PKN2: variants seen among roughly 807,000 people sequenced by gnomAD.
The protein encoded by PKN2 is protein kinase N2.
Under a neutral mutation model 119.1 loss-of-function variants are expected in PKN2, and 38 were observed. The observed-to-expected ratio is 0.32, with a 90% CI of 0.25 to 0.42. The LOEUF is 0.42. PKN2 is among the 10% of genes least tolerant of loss of function. The pLI is 1.00. For missense variants in PKN2, 850 were observed against 1,165.1 expected (o/e 0.73, Z 3.94); for synonymous variants, 390 against 384.9 (o/e 1.01, Z -0.15).
At chr1:88,742,744 C>T (rs971884966) in intron 2 of PKN2, among the ~76,000 whole-genome samples, 2 of 151,508 alleles carry the variant, frequency 1.3e-5, no homozygotes, top group Admixed American at 6.6e-5. Flanking sequence ...TCTTTAGGAG[C>T]GGTCTAAAAT....
intron 3 of PKN2, among the ~76,000 whole-genome samples, chr1:88,768,320 TGGCA>T (rs1669747337): frequency 6.6e-6 from 1 of 152,228 alleles, no homozygotes; most frequent in African/African-American, 2.4e-5. Context: ...ATCAAGGTGT[TGGCA>T]GGACTGCATT....
intron 4 of PKN2, among the ~76,000 whole-genome samples, chr1:88,770,854 G>A (rs1669865325): frequency 1.3e-5 from 2 of 150,714 alleles, no homozygotes; most frequent in Non-Finnish European, 3.0e-5. Flanking sequence ...CAAAGTGCTG[G>A]GATTACAGGC....
intron 1 of PKN2, among the ~76,000 whole-genome samples, chr1:88,698,997 C>T (rs1666654785): frequency 6.6e-6 from 1 of 152,182 alleles, no homozygotes; most frequent in African/African-American, 2.4e-5. Context: ...TCTCACTTCC[C>T]TTGCACGGAC....
chr1:88,722,877 C>T (rs1667739902), intron 1 of PKN2, among the ~76,000 whole-genome samples: 1 of 151,842 alleles, frequency 6.6e-6, no homozygotes, highest in Admixed American at 6.6e-5. Context: ...TGCCTCTGCA[C>T]TTAGAAAGCC....
In PKN2 at chr1:88,807,362, C is replaced by T. The variant is rs1671587089; in HGVS notation, c.1853C>T (p.Pro618Leu). 1 of 1,595,412 alleles carries T rather than the reference C, an allele frequency of 6.3e-7. No individual in the cohort carries two copies. The highest frequency in any genetic ancestry group is 1.3e-5 in the African/African-American group (1 of 74,408). The change falls in exon 13 of 22, where the codon CCA (proline) becomes CTA (leucine). Residue 618 changes from proline to leucine, a missense_variant. Pro to Leu is a moderately conservative substitution (Grantham distance 98). Around this residue, in one of 9 missense-constraint regions of PKN2, gnomAD observed 216 missense variants for 252.8 expected, o/e 0.85. Coordinates refer to ENST00000370521, the MANE Select transcript of PKN2 (RefSeq NM_006256.4). ...CAGAATGACAGAAATAGTATACTTC[C>T]AAAATCTCAATCTGAATACAAGCCT... ...DIQNDRNSIL[P>L]KSQSEYKPDT...
At chr1:88,791,634 A>G (rs1015236404) in intron 8 of PKN2, among the ~76,000 whole-genome samples, 7 of 152,208 alleles carry the variant, frequency 4.6e-5, no homozygotes, top group Non-Finnish European at 7.3e-5. Flanking sequence ...TAAAATTTAA[A>G]GCAGGGAGGA....
At chr1:88,780,946 C>G in intron 6 of PKN2, 1 of 316,568 alleles carries the variant, frequency 3.2e-6, no homozygotes, top group South Asian at 1.3e-4. Context: ...CCTTTCAGTT[C>G]CTTCTTCCCC....
chr1:88,768,595 T>C (rs189420033), intron 3 of PKN2, among the ~76,000 whole-genome samples: 1 of 152,352 alleles, frequency 6.6e-6, no homozygotes, highest in African/African-American at 2.4e-5. Flanking sequence ...CTTAATTCCA[T>C]TTGCTACCTT....
At chr1:88,727,368 A>G (rs1667943239) in intron 1 of PKN2, among the ~76,000 whole-genome samples, 1 of 152,060 alleles carries the variant, frequency 6.6e-6, no homozygotes, top group Non-Finnish European at 1.5e-5. Flanking sequence ...ATGGGGTCTC[A>G]CTGTATTGCC....
In PKN2 at chr1:88,804,380, A is replaced by T; in HGVS notation, c.1282-11A>T. On this transcript the variant is annotated splice_polypyrimidine_tract_variant and intron_variant, in intron 8 of 21. Transcript: ENST00000370521. ...TTCTGTTTTCTTTATTATTTTTTTT[A>T]ATTATCCTAGTCACGTGAACTGGAA... is the stretch of plus-strand genomic sequence containing the variant. 3 of 1,578,658 alleles carry T rather than the reference A, an allele frequency of 1.9e-6. No individual in the cohort carries two copies. The highest frequency in any genetic ancestry group is 1.8e-5 in the Admixed American group (1 of 56,222).
At chr1:88,713,511 A>G (rs1667325042) in intron 1 of PKN2, among the ~76,000 whole-genome samples, 2 of 151,988 alleles carry the variant, frequency 1.3e-5, no homozygotes, top group Non-Finnish European at 1.5e-5. Flanking sequence ...TTTGATTTGC[A>G]TTTCTCTGCT....
At position 88,685,767 on chromosome 1, in the gene PKN2, T is replaced by A. The variant is rs188356116; in HGVS notation, c.48+1139T>A. On this transcript the variant is annotated intron_variant, in intron 1 of 21. Transcript: ENST00000370521. ...TGTGTGTTGGACAGTTAATTTTTTT[T>A]AAAAAAAAGACTAAATCAAGAAATT... 5.8e-3 allele frequency among the ~76,000 whole-genome samples: 879 copies of A among 152,056 alleles called. 2 individuals carry two copies. Among genetic ancestry groups the A allele is most frequent in the Admixed American group, 6.7e-3 (103 of 15,278 alleles).
At chr1:88,707,489 TCA>T (rs1667048675) in intron 1 of PKN2, among the ~76,000 whole-genome samples, 1 of 152,128 alleles carries the variant, frequency 6.6e-6, no homozygotes, top group Non-Finnish European at 1.5e-5. Context: ...ATTTTTCTCA[TCA>T]CAAACAATGG....
rs1453091978 is a variant in PKN2, at chr1:88,833,340, A to G, written c.2847A>G (p.Glu949=). 1.9e-6 allele frequency: 3 copies of G among 1,613,454 alleles called. No homozygotes were observed. The South Asian group carries it at 3.3e-5, about 18-fold the overall frequency. ...GREDVSNFDD[E]FTSEAPILTP... Reference sequence around the variant, plus strand: ...AAGATGTTAGTAATTTTGATGATGAATTTACCTCAGAAGCACCTATTCTGA... The same window carrying G: ...AAGATGTTAGTAATTTTGATGATGAGTTTACCTCAGAAGCACCTATTCTGA... Residue 949 remains glutamate (E), a synonymous_variant, in exon 22 of 22, where the codon GAA becomes GAG. Coordinates refer to ENST00000370521, the MANE Select transcript of PKN2 (RefSeq NM_006256.4).
At chr1:88,723,429 ATTTG>A (rs1249414432) in intron 1 of PKN2, among the ~76,000 whole-genome samples, 2 of 48,304 alleles carry the variant, frequency 4.1e-5, no homozygotes, top group African/African-American at 1.5e-4. Flanking sequence ...CCTTTTATTT[ATTTG>A]TTTATTTTGA....
At chr1:88,760,097 A>AT in intron 2 of PKN2, 125 bp from the exon 3 acceptor site, 1 of 567,446 alleles carries the variant, frequency 1.8e-6, no homozygotes, top group Non-Finnish European at 3.1e-6. Flanking sequence ...ATCTATAAGT[A>AT]TAAGGAGATT....
rs147414331 is a variant in PKN2, at chr1:88,789,679, T to G, written c.1281+3466T>G. 4.4e-3 allele frequency among the ~76,000 whole-genome samples: 662 copies of G among 150,826 alleles called. 4 individuals are homozygous for G. Among genetic ancestry groups the G allele is most frequent in the African/African-American group, 0.015 (620 of 41,062 alleles). Reference sequence around the variant, plus strand: ...CTCTATCTCATAATAATAATAATAATAATAATAATAATAACAACAACAAAA... The same window carrying G: ...CTCTATCTCATAATAATAATAATAAGAATAATAATAATAACAACAACAAAA... On this transcript the variant is annotated intron_variant, in intron 8 of 21. Transcript: ENST00000370521.
intron 8 of PKN2, among the ~76,000 whole-genome samples, chr1:88,791,137 C>A (rs1670815648): frequency 6.6e-6 from 1 of 152,062 alleles, no homozygotes; most frequent in Admixed American, 6.6e-5. Context: ...CTAAAGTAAC[C>A]AATTTAAAGC....
At chr1:88,779,159 C>A (rs1010063298) in intron 6 of PKN2, among the ~76,000 whole-genome samples, 1 of 152,168 alleles carries the variant, frequency 6.6e-6, no homozygotes, top group Admixed American at 6.5e-5. Flanking sequence ...AGCAGGCTGC[C>A]ATCTTCAATA....
Sources: allele counts gnomAD v4.1 joint callset (sites outside exome capture counted in the v4.1 genomes callset), GRCh38; gene constraint gnomAD v4.1.1; regional missense constraint gnomAD v4.1.1; transcripts MANE v1.5; gene names NCBI Gene and HGNC (gene_info 2026-07-23, HGNC 2026-07-21).